MEAK7: variants seen among roughly 807,000 people sequenced by gnomAD.
MEAK7 encodes MTOR associated protein MEAK7.
Under a neutral mutation model 40.5 loss-of-function variants are expected in MEAK7, and 68 were observed. The observed-to-expected ratio is 1.68, with a 90% CI of 1.38 to 2.06. MEAK7 has a LOEUF of 2.06. Ranked by LOEUF, MEAK7 falls within the 30% of genes most tolerant of loss-of-function variation. MEAK7 has a pLI of 0.00. For missense variants in MEAK7, 918 were observed against 580.5 expected, an observed-to-expected ratio of 1.58 and a Z score of -5.98; for synonymous variants, 338 against 231.9, an observed-to-expected ratio of 1.46 and a Z score of -4.16.
chr16:84,492,400 G>A (rs961959876), intron 3 of MEAK7, among the ~76,000 whole-genome samples: 8 of 151,992 alleles, frequency 5.3e-5, no homozygotes, highest in African/African-American at 1.9e-4. Context: ...AGAGATTTAA[G>A]TGGCCTCATA....
Position 84,479,968 on chromosome 16 carries a change from A to G in MEAK7, c.1316T>C (p.Ile439Thr). The change falls in exon 8 of 8, where the codon ATC (isoleucine) becomes ACC (threonine). Residue 439 changes from isoleucine (I) to threonine (T), a missense_variant. Coordinates refer to ENST00000343629, the MANE Select transcript of MEAK7 (RefSeq NM_020947.4). ...ADPEAQALLE[I>T]SGHSRHSEGL... ...TTCGCTGTGGCGCGAATGCCCACTGATCTCCAGCAGGGCCTGGGCCTCAGG... is the reference window on the plus strand; with the variant it reads ...TTCGCTGTGGCGCGAATGCCCACTGGTCTCCAGCAGGGCCTGGGCCTCAGG... The G allele has an allele frequency of 1.2e-6, 2 of 1,609,648 alleles. No homozygotes were observed. Among genetic ancestry groups the G allele is most frequent in the South Asian group, 2.2e-5 (2 of 90,580 alleles).
Position 84,495,780 on chromosome 16 carries a change from G to T in MEAK7, c.287C>A (p.Ser96Tyr), listed in dbSNP as rs762611164. 6 of 1,614,082 alleles carry T rather than the reference G, an allele frequency of 3.7e-6. 1 individual carries two copies. The East Asian group carries it at 1.3e-4, about 36-fold the overall frequency. ...CTCGGAGTTTCCTTTCAACAGGTGG[G>T]ACATGGATGCTGTGAACTGCTCCTG... is the stretch of plus-strand genomic sequence containing the variant. The part of the protein sequence containing the change: ...VSQEQFTASM[S>Y]HLLKGNSEEK... Residue 96 changes from serine (S) to tyrosine (Y), a missense_variant, in exon 3 of 8, where the codon TCC (serine) becomes TAC (tyrosine). Ser to Tyr is a moderately radical substitution (Grantham distance 144). Transcript: ENST00000343629.
intron 5 of MEAK7, 186 bp downstream of exon 5, chr16:84,486,445 C>G: frequency 7.1e-7 from 1 of 1,401,838 alleles, no homozygotes; most frequent in East Asian, 2.6e-5. Context: ...CACGGCCTGT[C>G]CTGAAGAACT....
chr16:84,487,891 A>G (rs1156709463), intron 4 of MEAK7: 1 of 152,188 alleles, frequency 6.6e-6, no homozygotes, highest in Non-Finnish European at 1.5e-5. Flanking sequence ...CGGTTATTAC[A>G]AGGAACAGAG....
intron 3 of MEAK7, among the ~76,000 whole-genome samples, chr16:84,489,735 G>A (rs1041311931): frequency 1.3e-5 from 2 of 152,036 alleles, no homozygotes; most frequent in African/African-American, 2.4e-5. Flanking sequence ...ATTTGCTGAG[G>A]CCCAGGAGCT....
At chr16:84,480,737 C>A in intron 6 of MEAK7, 29 bp from the exon 7 acceptor site, 2 of 1,584,914 alleles carry the variant, frequency 1.3e-6, no homozygotes, top group South Asian at 1.2e-5. Flanking sequence ...CAGAGAATAG[C>A]ATCAGCAACT....
intron 7 of MEAK7, among the ~76,000 whole-genome samples, chr16:84,480,325 G>T (rs1268193113): frequency 6.6e-6 from 1 of 152,128 alleles, no homozygotes; most frequent in Non-Finnish European, 1.5e-5. Flanking sequence ...CCCTTCCCAG[G>T]GCTGCTCTAC....
chr16:84,503,637 C>A (rs185680883), intron 1 of MEAK7, among the ~76,000 whole-genome samples: 2 of 152,308 alleles, frequency 1.3e-5, no homozygotes, highest in African/African-American at 4.8e-5. Context: ...GATCTGCTTA[C>A]TGGAGGTCAG....
chr16:84,480,454 G>T, intron 7 of MEAK7, 75 bp downstream of exon 7: 2 of 1,477,102 alleles, frequency 1.4e-6, no homozygotes, highest in South Asian at 2.7e-5. Flanking sequence ...GAGTAAAGGG[G>T]TAATGGTAAG....
intron 5 of MEAK7, 109 bp from the exon 6 acceptor site, chr16:84,482,819 T>C: frequency 1.3e-6 from 2 of 1,500,178 alleles, no homozygotes; most frequent in Non-Finnish European, 1.8e-6. Context: ...CCAAGACCCT[T>C]CTCACCCATG....
intron 5 of MEAK7, 75 bp from the exon 6 acceptor site, chr16:84,482,785 G>C: frequency 1.9e-6 from 3 of 1,584,424 alleles, no homozygotes; most frequent in East Asian, 4.6e-5. Context: ...ATGCCGGTAA[G>C]CTGCAGCTCA....
At chr16:84,489,768 T>C (rs1264086988) in intron 3 of MEAK7, among the ~76,000 whole-genome samples, 1 of 152,098 alleles carries the variant, frequency 6.6e-6, no homozygotes, top group Non-Finnish European at 1.5e-5. Context: ...AAATCCCTGA[T>C]CTCCCCAAAT....
In MEAK7 at chr16:84,491,330, G is replaced by C. The variant is rs570869691; in HGVS notation, c.385-1908C>G. Reference sequence around the variant, plus strand: ...AGGTGGGCAGATCATTTGAGGTTAGGAGGTCGCGACCAGCCTGGCCAACAT... The same window carrying C: ...AGGTGGGCAGATCATTTGAGGTTAGCAGGTCGCGACCAGCCTGGCCAACAT... On this transcript the variant is annotated intron_variant, in intron 3 of 7. Transcript: ENST00000343629. Among the ~76,000 whole-genome samples, 43 of 152,160 alleles carry C rather than the reference G, an allele frequency of 2.8e-4. No individual in the cohort carries two copies. In the Middle Eastern group the frequency reaches 0.01, roughly 36 times the overall value.
rs926982311 is a variant in MEAK7, at chr16:84,477,331, A to G, written c.*2582T>C. 13 of 152,238 alleles carry G rather than the reference A, an allele frequency of 8.5e-5. No individual in the cohort carries two copies. The highest frequency in any genetic ancestry group is 3.1e-4 in the African/African-American group (13 of 41,406). The allele number at this position is 152,238 out of a possible 1,614,324, so 9.4% of individuals were successfully genotyped here. On this transcript the variant is annotated 3_prime_UTR_variant, in exon 8 of 8. Transcript: ENST00000343629. ...CTCAGCCTCCTGAGTAGCTGAGATTACAGGCATGTGCCACCATGCCCAGCT... is the reference window on the plus strand; with the variant it reads ...CTCAGCCTCCTGAGTAGCTGAGATTGCAGGCATGTGCCACCATGCCCAGCT...
Position 84,478,484 on chromosome 16 carries a change from A to G in MEAK7, c.*1429T>C, listed in dbSNP as rs1274849085. The stretch of plus-strand genomic sequence containing the variant: ...GCTTATAATCAAGGCAAACTATACA[A>G]TAAGAGGTTGTATTTTCATCAGATC... On this transcript the variant is annotated 3_prime_UTR_variant, in exon 8 of 8. Transcript: ENST00000343629. 8 of 152,248 alleles carry G rather than the reference A, an allele frequency of 5.3e-5. No homozygotes were observed. The highest frequency in any genetic ancestry group is 2.1e-4 in the South Asian group (1 of 4,834). The allele number at this position is 152,248 out of a possible 1,614,324, so 9.4% of individuals were successfully genotyped here. A position where few individuals can be genotyped will look rare whatever the true frequency, so the allele number is the denominator to read the frequency against.
chr16:84,496,130 C>A lies in MEAK7; in HGVS notation c.154-217G>T, dbSNP rs530380624. Among the ~76,000 whole-genome samples the A allele has an allele frequency of 7.9e-5, 12 of 152,308 alleles. No individual in the cohort carries two copies. The South Asian group carries it at 2.5e-3, about 32-fold the overall frequency. ...GCCGGCCATTAGAAACTGGGTCCAC[C>A]CACCAAGGTGATTCCCATGGCTTTC... On this transcript the variant is annotated intron_variant, in intron 2 of 7. Coordinates refer to ENST00000343629, the MANE Select transcript of MEAK7 (RefSeq NM_020947.4).
rs1417976198 is a variant in MEAK7, at chr16:84,479,683, C to A, written c.*230G>T. The stretch of plus-strand genomic sequence containing the variant: ...TTTCTTGGAGAGATCCTGAGGGTGA[C>A]CCTGTAGGGAAAAAAAGAAAACTTA... On this transcript the variant is annotated 3_prime_UTR_variant, in exon 8 of 8. Coordinates refer to ENST00000343629, the MANE Select transcript of MEAK7 (RefSeq NM_020947.4). 2 of 386,214 alleles carry A rather than the reference C, an allele frequency of 5.2e-6. No individual in the cohort carries two copies. Among genetic ancestry groups the A allele is most frequent in the Non-Finnish European group, 9.2e-6 (2 of 217,462 alleles). The allele number at this position is 386,214 out of a possible 1,614,324, so 23.9% of individuals were successfully genotyped here.
In MEAK7 at chr16:84,486,878, G is replaced by T; in HGVS notation, c.711C>A (p.Asp237Glu). The T allele has an allele frequency of 6.2e-7, 1 of 1,614,146 alleles. No homozygotes were observed. Among genetic ancestry groups the T allele is most frequent in the South Asian group, 1.1e-5 (1 of 91,086 alleles). Residue 237 changes from aspartate to glutamate, a missense_variant, in exon 5 of 8, where the codon GAC becomes GAA. Physicochemically the swap from Asp to Glu is conservative, Grantham distance 45. Transcript: ENST00000343629. ...LTTLVPERQV[D>E]QGRGFESILD... The stretch of plus-strand genomic sequence containing the variant: ...GGATGCTCTCAAAACCCCTGCCCTG[G>T]TCCACTTGACGCTCAGGGACCAGGG...
rs559481361 is a variant in MEAK7 at position 84,482,497 on chromosome 16, C to A, written c.1077+95G>T. On this transcript the variant is annotated intron_variant, in intron 6 of 7. Transcript: ENST00000343629. ...CGTGCGTGAGGAACTGAATGCCACG[C>A]GCCCTGCCCTGATCTGTGGAGCTGA... 10 of 1,587,226 alleles carry A rather than the reference C, an allele frequency of 6.3e-6. No individual in the cohort carries two copies. The African/African-American group carries it at 1.3e-4, about 21-fold the overall frequency.
Sources: gnomAD v4.1 joint callset for allele counts (sites outside exome capture counted in the v4.1 genomes callset) on GRCh38, gnomAD v4.1.1 for gene constraint, MANE v1.5 for transcripts, NCBI Gene and HGNC (gene_info 2026-07-23, HGNC 2026-07-21) for gene names.